ANO6: variants seen among roughly 807,000 people sequenced by gnomAD.
The protein encoded by ANO6 is anoctamin-6.
In ANO6, 106 loss-of-function variants were observed where a neutral mutation model predicts 117.5. The observed-to-expected ratio is 0.90, with a 90% CI of 0.77 to 1.06. The LOEUF (loss-of-function observed/expected upper bound fraction) is 1.06, where lower values mean the gene tolerates loss of function less well. Ranked by LOEUF, ANO6 falls within the 50% of genes least tolerant of loss-of-function variation. The pLI is 0.00. For synonymous variants in ANO6, 367 were observed against 385.1 expected (o/e 0.95, Z 0.55); for missense variants, 955 against 1,121.1 (o/e 0.85, Z 2.12).
exon 20 of ANO6, chr12:45,440,209 A>G (rs1943755286): frequency 3.6e-6 from 1 of 280,148 alleles, no homozygotes; most frequent in African/African-American, 2.2e-5. Context: ...TTTAATTTTT[A>G]AAAGGTAATT....
chr12:45,379,086 G>T (rs1299253238), intron 10 of ANO6, among the ~76,000 whole-genome samples: 4 of 152,164 alleles, frequency 2.6e-5, no homozygotes, highest in Non-Finnish European at 2.9e-5. Flanking sequence ...AAAATTAGAT[G>T]CATTTCCAAT....
At chr12:45,375,311 A>C (rs1941976159) in intron 9 of ANO6, among the ~76,000 whole-genome samples, 1 of 152,238 alleles carries the variant, frequency 6.6e-6, no homozygotes, top group East Asian at 1.9e-4. Flanking sequence ...TGCCATCCCC[A>C]TCAAGCTACC....
At chr12:45,418,110 CATT>C (rs1290465081) in intron 17 of ANO6, among the ~76,000 whole-genome samples, 5 of 150,990 alleles carry the variant, frequency 3.3e-5, no homozygotes, top group Non-Finnish European at 7.4e-5. Context: ...CATTACTCAT[CATT>C]GTTATTAACA....
intron 8 of ANO6, 52 bp downstream of exon 8, chr12:45,357,476 A>G (rs577953799): frequency 6.2e-7 from 1 of 1,606,592 alleles, no homozygotes; most frequent in East Asian, 2.2e-5. Flanking sequence ...TTAGACATAA[A>G]ATTATTTTCA....
At position 45,225,450 on chromosome 12, in the gene ANO6, C is replaced by T. The variant is rs139433756; in HGVS notation, c.70+9059C>T. Among the ~76,000 whole-genome samples, 915 of 151,978 alleles carry T rather than the reference C, an allele frequency of 6.0e-3. 6 individuals carry two copies. Among genetic ancestry groups the T allele is most frequent in the African/African-American group, 0.02 (832 of 41,456 alleles). ...AGCCTGAATATCGTAATGTTTTTCA[C>T]ATAGTAGATGTTCAACAAAACATAT... On this transcript the variant is annotated intron_variant, in intron 1 of 19. Transcript: ENST00000320560.
chr12:45,242,452 G>A (rs746603872), intron 1 of ANO6, among the ~76,000 whole-genome samples: 1 of 152,266 alleles, frequency 6.6e-6, no homozygotes, highest in African/African-American at 2.4e-5. Context: ...TAGCTGGAGT[G>A]TCCAGTTTTT....
intron 1 of ANO6, among the ~76,000 whole-genome samples, chr12:45,239,926 G>A (rs1282118722): frequency 6.6e-6 from 1 of 152,164 alleles, no homozygotes; most frequent in Admixed American, 6.5e-5. Context: ...ATTTGCTGAG[G>A]AGTGCTTTAC....
chr12:45,401,697 A>G (rs1048475307), intron 12 of ANO6, 98 bp from the exon 13 acceptor site: 8 of 995,282 alleles, frequency 8.0e-6, no homozygotes, highest in African/African-American at 1.6e-5. Context: ...GATTTACATC[A>G]CTTTACACAC....
intron 1 of ANO6, chr12:45,228,123 GTTTTTTTTT>G: frequency 1.4e-5 from 4 of 283,214 alleles, no homozygotes; most frequent in South Asian, 2.2e-5. Context: ...TTTTTGTGTT[GTTTTTTTTT>G]TTTTTTTTTT....
intron 13 of ANO6, among the ~76,000 whole-genome samples, chr12:45,402,483 T>C (rs565127319): frequency 1.1e-4 from 17 of 152,348 alleles, no homozygotes; most frequent in African/African-American, 3.8e-4. Context: ...TTCTTCTCTC[T>C]GGCTTGTATC....
At position 45,430,924 on chromosome 12, in the gene ANO6, A is replaced by C; in HGVS notation, c.*1613A>C. On this transcript the variant is annotated 3_prime_UTR_variant, in exon 20 of 20. Transcript: ENST00000320560. ...ATGGGCTTCACTGGGATGCTGTTAAACACCAGAGGAGCCAACCTATCAGAA... is the reference window on the plus strand; with the variant it reads ...ATGGGCTTCACTGGGATGCTGTTAACCACCAGAGGAGCCAACCTATCAGAA... 1.0e-6 allele frequency: 1 copy of C among 985,422 alleles called. No homozygotes were observed. Among genetic ancestry groups the C allele is most frequent in the Non-Finnish European group, 1.2e-6 (1 of 829,928 alleles). The allele number at this position is 985,422 out of a possible 1,614,324, so 61.0% of individuals were successfully genotyped here. A position where few individuals can be genotyped will look rare whatever the true frequency, so the allele number is the denominator to read the frequency against.
intron 1 of ANO6, among the ~76,000 whole-genome samples, chr12:45,290,561 A>G (rs1181520636): frequency 6.6e-6 from 1 of 152,202 alleles, no homozygotes; most frequent in Non-Finnish European, 1.5e-5. Context: ...GACCTGAACC[A>G]GTTAGACTGT....
At chr12:45,341,226 A>G (rs1472745265) in intron 3 of ANO6, among the ~76,000 whole-genome samples, 1 of 152,212 alleles carries the variant, frequency 6.6e-6, no homozygotes, top group Non-Finnish European at 1.5e-5. Flanking sequence ...AATTAGTACA[A>G]CCTTTCTGGA....
At chr12:45,256,308 T>G (rs1205198011) in intron 1 of ANO6, among the ~76,000 whole-genome samples, 1 of 152,234 alleles carries the variant, frequency 6.6e-6, no homozygotes, top group African/African-American at 2.4e-5. Flanking sequence ...CATTTAAGAT[T>G]CTGGTGCTTT....
intron 8 of ANO6, 147 bp downstream of exon 8, chr12:45,357,571 A>G (rs1392301713): frequency 1.7e-5 from 19 of 1,094,518 alleles, no homozygotes; most frequent in East Asian, 5.1e-5. Flanking sequence ...TCTGAGCACA[A>G]TAACTGAGTG....
chr12:45,299,861 AAAAAG>A (rs1431497342), intron 1 of ANO6, among the ~76,000 whole-genome samples: 1 of 152,102 alleles, frequency 6.6e-6, no homozygotes, highest in Non-Finnish European at 1.5e-5. Flanking sequence ...CAAAAAAAAG[AAAAAG>A]AAAAAGAAAA....
chr12:45,293,139 A>T lies in ANO6; in HGVS notation c.71-8875A>T, dbSNP rs145957713. Among the ~76,000 whole-genome samples the T allele has an allele frequency of 6.0e-4, 92 of 152,364 alleles. 2 individuals carry two copies. In the East Asian group the frequency reaches 0.015, roughly 24 times the overall value. On this transcript the variant is annotated intron_variant, in intron 1 of 19. Coordinates refer to ENST00000320560, the MANE Select transcript of ANO6 (RefSeq NM_001025356.3). ...CTGGAAATAGAAGCACTCTCTTATT[A>T]TCTAAGCAATTACATTTTGAGGAAT...
chr12:45,285,331 C>G (rs1938873295), intron 1 of ANO6, among the ~76,000 whole-genome samples: 1 of 152,194 alleles, frequency 6.6e-6, no homozygotes, highest in South Asian at 2.1e-4. Flanking sequence ...GTTACAGAAT[C>G]AACTATCAAA....
intron 1 of ANO6, among the ~76,000 whole-genome samples, chr12:45,249,234 A>G (rs563560264): frequency 8.5e-4 from 130 of 152,238 alleles, no homozygotes; most frequent in Non-Finnish European, 1.6e-3. Context: ...AAACAGAATC[A>G]CAAAATGCAT....
Sources: gnomAD v4.1 joint callset for allele counts (sites outside exome capture counted in the v4.1 genomes callset) on GRCh38, gnomAD v4.1.1 for gene constraint, MANE v1.5 for transcripts, NCBI Gene and HGNC (gene_info 2026-07-23, HGNC 2026-07-21) for gene names.